The following CFDP1 variants were observed in gnomAD, a reference collection of about 807,000 sequenced individuals.
CFDP1 encodes heterochromatin-stabilizing protein CFDP1.
CFDP1 carries 31 observed loss-of-function variants against 40.1 expected under a neutral mutation model. That is an observed-to-expected ratio of 0.77 (90% CI 0.58 to 1.04). The LOEUF (loss-of-function observed/expected upper bound fraction) is 1.04. Among genes scored for constraint, CFDP1 ranks in the 50% least tolerant of loss-of-function variants. The probability of loss-of-function intolerance (pLI) is 0.00; values close to 1 mark genes in which losing one functional copy is unlikely to be tolerated. For synonymous variants in CFDP1, 167 were observed against 120.0 expected (o/e 1.39, Z -2.56); for missense variants, 423 against 343.4 (o/e 1.23, Z -1.83).
chr16:75,328,451 A>G (rs972735982), intron 5 of CFDP1, among the ~76,000 whole-genome samples: 52 of 149,382 alleles, frequency 3.5e-4, no homozygotes, highest in African/African-American at 1.2e-3. Flanking sequence ...GAAAAAAAAT[A>G]GCTGGGTGTG....
chr16:75,422,089 C>G (rs762918132), intron 1 of CFDP1, among the ~76,000 whole-genome samples: 3 of 152,090 alleles, frequency 2.0e-5, no homozygotes, highest in South Asian at 2.1e-4. Flanking sequence ...TTCCCAAATA[C>G]TTTCTCTCTC....
At chr16:75,409,806 T>C (rs1248615751) in intron 4 of CFDP1, among the ~76,000 whole-genome samples, 1 of 152,190 alleles carries the variant, frequency 6.6e-6, no homozygotes, top group African/African-American at 2.4e-5. Context: ...ATCTGGATCA[T>C]AGGTATGTAG....
At chr16:75,348,153 T>C (rs1469971593) in intron 5 of CFDP1, among the ~76,000 whole-genome samples, 2 of 152,214 alleles carry the variant, frequency 1.3e-5, no homozygotes, top group Admixed American at 6.5e-5. Context: ...TCTCACTTAC[T>C]ATGTTGCCCA....
At chr16:75,354,445 C>G (rs1318044624) in intron 5 of CFDP1, among the ~76,000 whole-genome samples, 1 of 152,102 alleles carries the variant, frequency 6.6e-6, no homozygotes, top group Non-Finnish European at 1.5e-5. Flanking sequence ...TGCCTAACTC[C>G]AGCCTTAAAG....
chr16:75,363,271 CA>C (rs34693612), intron 5 of CFDP1, among the ~76,000 whole-genome samples: 71,429 of 138,360 alleles, frequency 0.52, 18,189 homozygotes, highest in Admixed American at 0.64. Flanking sequence ...GTCTGAGCAC[CA>C]AAAAAAAAAA....
At chr16:75,380,781 A>C (rs1406098952) in intron 5 of CFDP1, among the ~76,000 whole-genome samples, 1 of 152,204 alleles carries the variant, frequency 6.6e-6, no homozygotes, top group African/African-American at 2.4e-5. Flanking sequence ...CCCAGGCAAG[A>C]GCATCTAGAA....
intron 5 of CFDP1, among the ~76,000 whole-genome samples, chr16:75,331,905 C>G (rs1226938213): frequency 6.6e-6 from 1 of 152,186 alleles, no homozygotes; most frequent in East Asian, 1.9e-4. Context: ...TAAGAACTCT[C>G]ACACGTTATA....
Position 75,433,344 on chromosome 16 carries a change from T to G in CFDP1, c.9A>C (p.Glu3Asp). Residue 3 changes from glutamate (E) to aspartate (D), a missense_variant, in exon 1 of 7, where the codon GAA (glutamate) becomes GAC (aspartate). Transcript: ENST00000283882. ...ACGTAGAGAAGTCTTCGGAGTCGAA[T>G]TCCTCCATGTTGCTGCCGCTCGACG... ME[E>D]FDSEDFSTSE... 1 of 1,593,894 alleles carries G rather than the reference T, an allele frequency of 6.3e-7. No homozygotes were observed. The highest frequency in any genetic ancestry group is 8.5e-7 in the Non-Finnish European group (1 of 1,170,526).
At chr16:75,404,966 G>A (rs1442198615) in intron 4 of CFDP1, among the ~76,000 whole-genome samples, 3 of 152,128 alleles carry the variant, frequency 2.0e-5, no homozygotes, top group African/African-American at 7.2e-5. Flanking sequence ...AAAACTGAAT[G>A]GAATCATTTG....
chr16:75,364,155 A>ACAAAC (rs151102829), intron 5 of CFDP1, among the ~76,000 whole-genome samples: 10 of 147,554 alleles, frequency 6.8e-5, no homozygotes, highest in East Asian at 2.0e-4. Context: ...AAACAAACAA[A>ACAAAC]AAAAACTATT....
At chr16:75,368,592 T>A (rs900101047) in intron 5 of CFDP1, among the ~76,000 whole-genome samples, 6 of 152,238 alleles carry the variant, frequency 3.9e-5, no homozygotes, top group Non-Finnish European at 8.8e-5. Context: ...TATAAAAGAT[T>A]GGCAAAATAT....
At chr16:75,387,857 A>T (rs2078912819) in intron 5 of CFDP1, among the ~76,000 whole-genome samples, 1 of 152,356 alleles carries the variant, frequency 6.6e-6, no homozygotes, top group East Asian at 1.9e-4. Flanking sequence ...CTTTCTTGAG[A>T]CAGGAATGAA....
At chr16:75,300,208 A>G (rs2078212756) in intron 6 of CFDP1, among the ~76,000 whole-genome samples, 1 of 152,184 alleles carries the variant, frequency 6.6e-6, no homozygotes, top group African/African-American at 2.4e-5. Context: ...GAATAGAAAT[A>G]AGCTGAAGTA....
chr16:75,394,336 A>C lies in CFDP1; in HGVS notation c.650+754T>G, dbSNP rs561944485. ...GAATTTTTACTTCTTCCAAAAAGAA[A>C]GAATTCTAGCCTTCAGCTAAAAATA... On this transcript the variant is annotated intron_variant, in intron 5 of 6. Coordinates refer to ENST00000283882, the MANE Select transcript of CFDP1 (RefSeq NM_006324.3). 3.9e-5 allele frequency among the ~76,000 whole-genome samples: 6 copies of C among 152,372 alleles called. No individual in the cohort carries two copies. In the South Asian group the frequency reaches 1.0e-3, roughly 26 times the overall value.
intron 5 of CFDP1, among the ~76,000 whole-genome samples, chr16:75,394,415 T>C (rs1567669846): frequency 6.6e-6 from 1 of 152,216 alleles, no homozygotes; most frequent in African/African-American, 2.4e-5. Context: ...TTCCTGACAA[T>C]GTGTTAAGAA....
intron 5 of CFDP1, among the ~76,000 whole-genome samples, chr16:75,345,902 A>G (rs1375340385): frequency 2.0e-5 from 3 of 152,234 alleles, no homozygotes; most frequent in Non-Finnish European, 4.4e-5. Context: ...TGGTCATGTC[A>G]TCGGTGACTA....
At chr16:75,395,675 TAA>T (rs955747325) in intron 4 of CFDP1, among the ~76,000 whole-genome samples, 2 of 151,688 alleles carry the variant, frequency 1.3e-5, no homozygotes, top group Non-Finnish European at 2.9e-5. Context: ...ATAAAAAAAA[TAA>T]AAAAACATTT....
chr16:75,367,218 T>G (rs1173606935), intron 5 of CFDP1, among the ~76,000 whole-genome samples: 1 of 151,160 alleles, frequency 6.6e-6, no homozygotes, highest in African/African-American at 2.4e-5. Context: ...ACATTTGTAT[T>G]TGGATGAATT....
chr16:75,381,739 G>C (rs903634025), intron 5 of CFDP1, among the ~76,000 whole-genome samples: 3 of 152,158 alleles, frequency 2.0e-5, no homozygotes, highest in African/African-American at 7.2e-5. Flanking sequence ...GTGGAGTCAA[G>C]GGGATTCAGA....
Sources: allele counts gnomAD v4.1 joint callset (sites outside exome capture counted in the v4.1 genomes callset), GRCh38; gene constraint gnomAD v4.1.1; transcripts MANE v1.5; gene names NCBI Gene and HGNC (gene_info 2026-07-23, HGNC 2026-07-21).